COL13A1: variants seen among roughly 807,000 people sequenced by gnomAD.
COL13A1 encodes collagen type XIII alpha 1 chain.
COL13A1 carries 89 observed loss-of-function variants against 130.9 expected under a neutral mutation model. The ratio of observed to expected loss-of-function variants is 0.68; its 90% CI spans 0.57 to 0.81. The LOEUF is 0.81. COL13A1 is among the 30% of genes least tolerant of loss of function. The pLI, the probability that COL13A1 is intolerant of heterozygous loss-of-function variation, is 0.00. For missense variants in COL13A1, 879 were observed against 934.6 expected, an observed-to-expected ratio of 0.94 and a Z score of 0.78; for synonymous variants, 402 against 341.6, an observed-to-expected ratio of 1.18 and a Z score of -1.95.
chr10:69,820,659 C>A (rs1481797872), intron 1 of COL13A1, among the ~76,000 whole-genome samples: 2 of 152,352 alleles, frequency 1.3e-5, no homozygotes, highest in East Asian at 1.9e-4. Context: ...CTAATTGTTA[C>A]TCAGCCTCCC....
chr10:69,935,511 T>C lies in COL13A1; in HGVS notation c.1770+120T>C, dbSNP rs1364144347. 4 of 721,624 alleles carry C rather than the reference T, an allele frequency of 5.5e-6. No individual in the cohort carries two copies. The African/African-American group carries it at 7.4e-5, about 13-fold the overall frequency. 44.7% of individuals were successfully genotyped at this position (721,624 alleles called of 1,614,324 possible). ...TTCCTCCCAGGGAGGGATTTTCTGG[T>C]CTACAAACCCCTCCCCGCTCCTTTT... On this transcript the variant is annotated intron_variant, in intron 32 of 40. Coordinates refer to ENST00000645393, the MANE Select transcript of COL13A1 (RefSeq NM_001368882.1).
At chr10:69,923,888 A>G in intron 24 of COL13A1, 33 bp downstream of exon 24, 1 of 1,604,734 alleles carries the variant, frequency 6.2e-7, no homozygotes, top group South Asian at 1.1e-5. Flanking sequence ...GAGCTGCAAG[A>G]TGAGGGTCAG....
chr10:69,888,072 T>TCTTGCG (rs1455686212), intron 8 of COL13A1, among the ~76,000 whole-genome samples: 1 of 152,210 alleles, frequency 6.6e-6, no homozygotes, highest in Non-Finnish European at 1.5e-5. Context: ...TTGGGTTCTC[T>TCTTGCG]CTTGCGCTGT....
At chr10:69,943,433 A>G (rs1481666455) in intron 35 of COL13A1, among the ~76,000 whole-genome samples, 1 of 152,194 alleles carries the variant, frequency 6.6e-6, no homozygotes, top group Non-Finnish European at 1.5e-5. Flanking sequence ...AGGCCAGAGC[A>G]AGCCCTGATG....
chr10:69,935,927 C>G (rs185068000), intron 32 of COL13A1, among the ~76,000 whole-genome samples: 1 of 151,588 alleles, frequency 6.6e-6, no homozygotes, highest in African/African-American at 2.4e-5. Context: ...GGGAGAATCA[C>G]CTGGGCCCCA....
intron 35 of COL13A1, 46 bp from the exon 36 acceptor site, chr10:69,944,079 C>A: frequency 6.4e-7 from 1 of 1,564,722 alleles, no homozygotes; most frequent in South Asian, 1.1e-5. Flanking sequence ...CCCAGGGCTC[C>A]CCAGAGTGTG....
chr10:69,889,327 A>AGGGGGCAGGGAGGAGCACG (rs1564959654), intron 9 of COL13A1, 87 bp from the exon 10 acceptor site: 61 of 924,194 alleles, frequency 6.6e-5, no homozygotes, highest in Admixed American at 3.3e-4. Context: ...GGAGGAGCAC[A>AGGGGGCAGGGAGGAGCACG]GGGGGCAGGG....
chr10:69,878,014 C>A, intron 5 of COL13A1, 25 bp from the exon 6 acceptor site: 1 of 702,974 alleles, frequency 1.4e-6, no homozygotes, highest in Non-Finnish European at 2.6e-6. Flanking sequence ...CTTCCTGCAC[C>A]CTGTGTTGCA....
At chr10:69,824,160 A>T (rs1258195777) in intron 2 of COL13A1, 1 of 472,170 alleles carries the variant, frequency 2.1e-6, no homozygotes, top group Non-Finnish European at 4.4e-6. Flanking sequence ...AAAAACAGGG[A>T]CAATAGACAC....
At chr10:69,922,536 A>G (rs569224715) in intron 22 of COL13A1, among the ~76,000 whole-genome samples, 172 bp from the exon 23 acceptor site, 4 of 152,230 alleles carry the variant, frequency 2.6e-5, no homozygotes, top group Non-Finnish European at 4.4e-5. Flanking sequence ...GCTGCCCTTC[A>G]GTAAACACTT....
chr10:69,875,133 C>T lies in COL13A1; in HGVS notation c.405C>T (p.Asp135=). 6.2e-7 allele frequency: 1 copy of T among 1,614,004 alleles called. No individual in the cohort carries two copies. The stretch of plus-strand genomic sequence containing the variant: ...TCTGCCTCCTTCATCATCAGGGGGA[C>T]AAAGGTGCCATTGGGATGCCTGGAC... ...GPTGRPGLPG[D]KGAIGMPGRV... The change falls in exon 5 of 41, where the codon GAC becomes GAT. Residue 135 remains aspartate (D), a synonymous_variant. Transcript: ENST00000645393.
intron 18 of COL13A1, among the ~76,000 whole-genome samples, chr10:69,917,768 G>A (rs1231784060): frequency 3.3e-5 from 5 of 151,840 alleles, no homozygotes; most frequent in Non-Finnish European, 4.4e-5. Flanking sequence ...GTCCATGAGG[G>A]CAGAGGTGCA....
In COL13A1 at chr10:69,928,974, G is replaced by A; in HGVS notation, c.1460G>A (p.Gly487Glu). The change falls in exon 28 of 41, where the codon GGA becomes GAA. Residue 487 changes from glycine (G) to glutamate (E), a missense_variant. Physicochemically the swap from Gly to Glu is moderately conservative, Grantham distance 98 (BLOSUM62 -2). Coordinates refer to ENST00000645393, the MANE Select transcript of COL13A1 (RefSeq NM_001368882.1). ...PGLPGQIGPP[G>E]APGIPGQKGE... ...CTTCCTGGGCAAATTGGCCCACCTGGAGCTCCAGGGATTCCAGGCCAGAAG... is the reference window on the plus strand; with the variant it reads ...CTTCCTGGGCAAATTGGCCCACCTGAAGCTCCAGGGATTCCAGGCCAGAAG... The A allele has an allele frequency of 1.2e-6, 2 of 1,613,522 alleles. No individual in the cohort carries two copies. Among genetic ancestry groups the A allele is most frequent in the Non-Finnish European group, 8.5e-7 (1 of 1,179,684 alleles).
rs546546241 is a variant in COL13A1, at chr10:69,930,050, T to C, written c.1493T>C (p.Ile498Thr). 32 of 1,613,882 alleles carry C rather than the reference T, an allele frequency of 2.0e-5. No homozygotes were observed. In the African/African-American group the frequency reaches 2.5e-4, roughly 13 times the overall value. Residue 498 changes from isoleucine to threonine, a missense_variant, in exon 29 of 41, where the codon ATT (isoleucine) becomes ACT (threonine). This residue lies in a region of COL13A1 where 715 missense variants were observed against 721.0 expected (regional missense o/e 0.99). Coordinates refer to ENST00000645393, the MANE Select transcript of COL13A1 (RefSeq NM_001368882.1). ...TAGTTGTTCCGGTTACAGGGGGAGA[T>C]TGGACTGCCAGGCCCTCCAGGACAC... is the stretch of plus-strand genomic sequence containing the variant. ...APGIPGQKGE[I>T]GLPGPPGHDG... is the part of the protein sequence containing the mutation.
At chr10:69,899,404 T>C (rs1341531622) in intron 14 of COL13A1, among the ~76,000 whole-genome samples, 3 of 152,198 alleles carry the variant, frequency 2.0e-5, no homozygotes, top group Non-Finnish European at 4.4e-5. Flanking sequence ...GAGAAGTGAA[T>C]TGATTTGCCC....
At chr10:69,815,802 A>G (rs1844324030) in intron 1 of COL13A1, among the ~76,000 whole-genome samples, 1 of 152,202 alleles carries the variant, frequency 6.6e-6, no homozygotes, top group African/African-American at 2.4e-5. Context: ...GGCGCAGTGA[A>G]TAGAACAGAA....
At chr10:69,922,152 A>T (rs550655048) in intron 22 of COL13A1, among the ~76,000 whole-genome samples, 1 of 152,298 alleles carries the variant, frequency 6.6e-6, no homozygotes, top group African/African-American at 2.4e-5. Flanking sequence ...AGAATTCGGT[A>T]GTGATGACCT....
intron 14 of COL13A1, 127 bp from the exon 15 acceptor site, chr10:69,902,621 T>TC (rs781629134): frequency 1.2e-5 from 8 of 673,674 alleles, no homozygotes; most frequent in Non-Finnish European, 1.9e-5. Context: ...CACCGCTTCC[T>TC]CCCCCCATCA....
At chr10:69,927,602 G>A (rs988797043) in intron 27 of COL13A1, among the ~76,000 whole-genome samples, 10 of 152,148 alleles carry the variant, frequency 6.6e-5, no homozygotes, top group Non-Finnish European at 1.3e-4. Context: ...GCCTACCGGT[G>A]ACAGGCTCTT....
Sources: gnomAD v4.1 joint callset for allele counts (sites outside exome capture counted in the v4.1 genomes callset) on GRCh38, gnomAD v4.1.1 for gene constraint, gnomAD v4.1.1 regional missense constraint, MANE v1.5 for transcripts, NCBI Gene and HGNC (gene_info 2026-07-23, HGNC 2026-07-21) for gene names.